AUH: variants seen among roughly 807,000 people sequenced by gnomAD.
The protein encoded by AUH is methylglutaconyl-CoA hydratase, mitochondrial.
AUH carries 29 observed loss-of-function variants against 42.3 expected under a neutral mutation model. The observed-to-expected ratio is 0.69, with a 90% confidence interval of 0.51 to 0.93. AUH has a LOEUF of 0.93. AUH is among the 40% of genes least tolerant of loss of function. The probability of loss-of-function intolerance (pLI) is 0.00; values close to 1 mark genes in which losing one functional copy is unlikely to be tolerated. For missense variants in AUH, 452 were observed against 438.1 expected (o/e 1.03, Z -0.28); for synonymous variants, 174 against 166.4 (o/e 1.05, Z -0.35).
intron 4 of AUH, among the ~76,000 whole-genome samples, chr9:91,321,529 T>C (rs927660450): frequency 1.1e-4 from 16 of 152,118 alleles, no homozygotes; most frequent in African/African-American, 3.9e-4. Flanking sequence ...CAAAACCCAA[T>C]GACAAAGGTA....
chr9:91,220,747 C>T (rs1827083241), intron 7 of AUH, 58 bp downstream of exon 7: 5 of 1,590,456 alleles, frequency 3.1e-6, no homozygotes, highest in African/African-American at 1.3e-5. Context: ...CTGTTTTAGT[C>T]AAAGTGTTAT....
chr9:91,312,713 G>A (rs369049195), intron 4 of AUH, among the ~76,000 whole-genome samples: 1 of 152,138 alleles, frequency 6.6e-6, no homozygotes, highest in Non-Finnish European at 1.5e-5. Flanking sequence ...GCAACAGAGT[G>A]GGACCCTATC....
intron 3 of AUH, among the ~76,000 whole-genome samples, chr9:91,349,811 A>T (rs1185471921): frequency 6.6e-6 from 1 of 152,204 alleles, no homozygotes; most frequent in East Asian, 1.9e-4. Context: ...AATCTCACAT[A>T]ATCCATGTAG....
intron 4 of AUH, among the ~76,000 whole-genome samples, chr9:91,319,199 A>C (rs577907261): frequency 2.6e-5 from 4 of 152,018 alleles, no homozygotes; most frequent in Admixed American, 6.5e-5. Flanking sequence ...CTTCCATTTT[A>C]CTCATTTCTG....
chr9:91,348,490 C>T (rs1252516942), intron 3 of AUH, among the ~76,000 whole-genome samples: 1 of 152,084 alleles, frequency 6.6e-6, no homozygotes, highest in Non-Finnish European at 1.5e-5. Flanking sequence ...ATGGAAAAAC[C>T]CAAATGACCA....
chr9:91,338,431 C>CT (rs200740523), intron 3 of AUH, among the ~76,000 whole-genome samples: 11 of 151,588 alleles, frequency 7.3e-5, no homozygotes, highest in Middle Eastern at 3.4e-3. Context: ...CTAGGAGGTA[C>CT]TTTTTTTTTG....
chr9:91,259,334 T>G (rs1418550866), intron 6 of AUH, among the ~76,000 whole-genome samples: 1 of 152,164 alleles, frequency 6.6e-6, no homozygotes, highest in African/African-American at 2.4e-5. Context: ...TTTGTAGTGG[T>G]GAATGATCTT....
chr9:91,306,846 C>T (rs1386103465), intron 4 of AUH, among the ~76,000 whole-genome samples: 1 of 152,194 alleles, frequency 6.6e-6, no homozygotes, highest in Non-Finnish European at 1.5e-5. Context: ...GAAGGCTTTA[C>T]ACACAAATGT....
intron 6 of AUH, among the ~76,000 whole-genome samples, chr9:91,240,172 T>C (rs549926086): frequency 6.6e-6 from 1 of 152,354 alleles, no homozygotes; most frequent in Admixed American, 6.5e-5. Context: ...TTTGAAGATG[T>C]ATTGTTACCT....
chr9:91,290,899 C>T (rs1015366057), intron 6 of AUH, among the ~76,000 whole-genome samples: 7 of 152,158 alleles, frequency 4.6e-5, no homozygotes, highest in African/African-American at 1.4e-4. Flanking sequence ...GTAAACATCA[C>T]CAAAAAGTCG....
intron 3 of AUH, among the ~76,000 whole-genome samples, chr9:91,328,570 G>A (rs1033608967): frequency 6.6e-6 from 1 of 152,120 alleles, no homozygotes; most frequent in Non-Finnish European, 1.5e-5. Context: ...CCTGGAAGTG[G>A]GGAGACAAAC....
chr9:91,250,625 G>A (rs557382425), intron 6 of AUH, among the ~76,000 whole-genome samples: 4 of 152,248 alleles, frequency 2.6e-5, no homozygotes, highest in Admixed American at 1.3e-4. Flanking sequence ...CTGCATACCC[G>A]TATTTTATTG....
intron 3 of AUH, among the ~76,000 whole-genome samples, chr9:91,352,813 CAAAT>C (rs1426233538): frequency 6.6e-6 from 1 of 152,114 alleles, no homozygotes; most frequent in African/African-American, 2.4e-5. Context: ...TTAATTCCAG[CAAAT>C]AAATGCTGAG....
At chr9:91,298,910 G>C (rs1303137140) in intron 4 of AUH, among the ~76,000 whole-genome samples, 2 of 152,136 alleles carry the variant, frequency 1.3e-5, no homozygotes, top group African/African-American at 4.8e-5. Flanking sequence ...ATATATAACA[G>C]AAAGTGGATT....
intron 6 of AUH, among the ~76,000 whole-genome samples, chr9:91,248,025 G>T (rs898303537): frequency 2.6e-5 from 4 of 152,092 alleles, no homozygotes; most frequent in African/African-American, 9.7e-5. Flanking sequence ...AGTAAGTCCA[G>T]TATTTCTATT....
intron 6 of AUH, among the ~76,000 whole-genome samples, chr9:91,227,134 A>G (rs1176535965): frequency 6.6e-6 from 1 of 150,394 alleles, no homozygotes. Flanking sequence ...TCTGTAAATT[A>G]CCTTGGGCAG....
chr9:91,347,438 G>C (rs1187839710), intron 3 of AUH, among the ~76,000 whole-genome samples: 2 of 152,130 alleles, frequency 1.3e-5, no homozygotes, highest in Non-Finnish European at 2.9e-5. Flanking sequence ...ACTGGCCACT[G>C]GTAACTGAGC....
At chr9:91,215,793 C>A (rs1035621917) in intron 9 of AUH, among the ~76,000 whole-genome samples, 19 of 152,088 alleles carry the variant, frequency 1.2e-4, no homozygotes, top group Admixed American at 6.5e-5. Flanking sequence ...AAAGCATAAG[C>A]CTAGAGAGAC....
intron 6 of AUH, among the ~76,000 whole-genome samples, chr9:91,252,159 G>T (rs1259195395): frequency 6.6e-6 from 1 of 151,958 alleles, no homozygotes; most frequent in Non-Finnish European, 1.5e-5. Context: ...TAGAGACAGG[G>T]TTTCACCATC....
Sources: allele counts gnomAD v4.1 joint callset (sites outside exome capture counted in the v4.1 genomes callset), GRCh38; gene constraint gnomAD v4.1.1; transcripts MANE v1.5; gene names NCBI Gene and HGNC (gene_info 2026-07-23, HGNC 2026-07-21).